RPH3A: variants seen among roughly 807,000 people sequenced by gnomAD.
RPH3A encodes the protein rabphilin 3A.
In RPH3A, 48 loss-of-function variants were observed where a neutral mutation model predicts 102.2. The ratio of observed to expected loss-of-function variants is 0.47; its 90% CI spans 0.37 to 0.60. The LOEUF is 0.60. Ranked by LOEUF, RPH3A falls within the 20% of genes least tolerant of loss-of-function variation. The probability of loss-of-function intolerance (pLI) is 0.00; values close to 1 mark genes in which losing one functional copy is unlikely to be tolerated. For missense variants in RPH3A, 781 were observed against 910.1 expected (o/e 0.86, Z 1.83); for synonymous variants, 310 against 324.3 (o/e 0.96, Z 0.47).
chr12:112,752,715 A>G (rs1447514277), intron 1 of RPH3A, among the ~76,000 whole-genome samples: 2 of 151,904 alleles, frequency 1.3e-5, no homozygotes, highest in East Asian at 3.9e-4. Flanking sequence ...TATAATTCAT[A>G]TAAGTAAAAA....
intron 1 of RPH3A, among the ~76,000 whole-genome samples, chr12:112,654,575 T>C (rs1385326677): frequency 6.6e-6 from 1 of 152,138 alleles, no homozygotes; most frequent in Admixed American, 6.5e-5. Flanking sequence ...TCTTGGCAAA[T>C]CCTTTGAAAT....
chr12:112,725,766 TTTGTTGTTGTTG>T lies in RPH3A; in HGVS notation c.-139-66344_-139-66333del, dbSNP rs374402903. Among the ~76,000 whole-genome samples the T allele has an allele frequency of 8.1e-3, 1,204 of 148,582 alleles. 13 individuals are homozygous for T. Among genetic ancestry groups the T allele is most frequent in the African/African-American group, 0.02 (790 of 40,054 alleles). ...ATATTTAGGGAAGATGAGTGTAGTT[TTTGTTGTTGTTG>T]TTGTTGTTGTTGTTGTTGTTGTTGT... On this transcript the variant is annotated intron_variant, in intron 1 of 21. Coordinates refer to the RPH3A transcript ENST00000543106.
chr12:112,770,455 C>T (rs1004498774), intron 1 of RPH3A, among the ~76,000 whole-genome samples: 1 of 152,112 alleles, frequency 6.6e-6, no homozygotes, highest in Non-Finnish European at 1.5e-5. Flanking sequence ...AAGTGATCTT[C>T]CCATCTCAGC....
intron 1 of RPH3A, among the ~76,000 whole-genome samples, chr12:112,729,616 T>C (rs2040619712): frequency 6.6e-6 from 1 of 152,190 alleles, no homozygotes. Context: ...ACTAAAGTCC[T>C]AAATATTGAC....
intron 2 of RPH3A, among the ~76,000 whole-genome samples, chr12:112,815,212 T>C (rs2041650878): frequency 6.6e-6 from 1 of 152,096 alleles, no homozygotes. Flanking sequence ...CAGAGCAGGA[T>C]GGAGGATGAA....
intron 2 of RPH3A, among the ~76,000 whole-genome samples, chr12:112,816,167 G>A (rs1469059094): frequency 4.6e-5 from 7 of 152,132 alleles, no homozygotes; most frequent in Admixed American, 1.3e-4. Flanking sequence ...TCAAATGCAC[G>A]CTCTGTTGTG....
In RPH3A at chr12:112,724,688, G is replaced by T. The variant is rs541022195; in HGVS notation, c.-139-67455G>T. Among the ~76,000 whole-genome samples the T allele has an allele frequency of 3.7e-4, 56 of 152,338 alleles. 1 individual carries two copies. The highest frequency in any genetic ancestry group is 1.3e-3 in the African/African-American group (55 of 41,586). On this transcript the variant is annotated intron_variant, in intron 1 of 21. Coordinates refer to the RPH3A transcript ENST00000543106. ...TAAGCAGTACATATGTTTTGATGAG[G>T]CTGAGCACGGTGGCTCACGCCTGTA...
At chr12:112,750,782 C>A (rs918681959) in intron 1 of RPH3A, among the ~76,000 whole-genome samples, 1 of 152,060 alleles carries the variant, frequency 6.6e-6, no homozygotes, top group Admixed American at 6.6e-5. Context: ...ATAATTCTAC[C>A]CCTGGCCACA....
At chr12:112,624,032 C>T (rs1447230316) in intron 1 of RPH3A, among the ~76,000 whole-genome samples, 4 of 148,970 alleles carry the variant, frequency 2.7e-5, no homozygotes, top group African/African-American at 1.0e-4. Context: ...ACACAACATA[C>T]CAGAATCTCT....
At chr12:112,730,587 C>G (rs937208811) in intron 1 of RPH3A, among the ~76,000 whole-genome samples, 2 of 152,216 alleles carry the variant, frequency 1.3e-5, no homozygotes, top group Admixed American at 6.5e-5. Context: ...TCCGCCCAAT[C>G]CTGCTTCCTC....
chr12:112,766,082 C>A (rs1224724962), intron 1 of RPH3A, among the ~76,000 whole-genome samples: 1 of 152,030 alleles, frequency 6.6e-6, no homozygotes, highest in Non-Finnish European at 1.5e-5. Context: ...CCCCCAAATG[C>A]CAGCTCTTGC....
At chr12:112,882,392 G>A (rs1199577282) in intron 15 of RPH3A, among the ~76,000 whole-genome samples, 1 of 152,154 alleles carries the variant, frequency 6.6e-6, no homozygotes, top group Non-Finnish European at 1.5e-5. Context: ...GGCTGGAAAT[G>A]GAAGTGTGCC....
At chr12:112,735,036 C>T (rs1331499753) in intron 1 of RPH3A, among the ~76,000 whole-genome samples, 1 of 152,120 alleles carries the variant, frequency 6.6e-6, no homozygotes, top group Admixed American at 6.5e-5. Context: ...CTTATTTTAC[C>T]CAGCCCCTAT....
Position 112,896,915 on chromosome 12 carries a change from C to T in RPH3A, c.*135C>T, listed in dbSNP as rs1009226315. 1.4e-5 allele frequency: 13 copies of T among 940,556 alleles called. No homozygotes were observed. The highest frequency in any genetic ancestry group is 5.0e-5 in the African/African-American group (3 of 60,534). 58.3% of individuals were successfully genotyped at this position (940,556 alleles called of 1,614,324 possible). On this transcript the variant is annotated 3_prime_UTR_variant, in exon 22 of 22. Coordinates refer to ENST00000389385, the MANE Select transcript of RPH3A (RefSeq NM_001143854.2). ...TGATCTCCCTGAGCCTGCCTTTGAG[C>T]CCCCGTCACGTTGGGCACTGCTGCC...
intron 1 of RPH3A, among the ~76,000 whole-genome samples, chr12:112,586,714 C>T (rs1045013317): frequency 2.6e-5 from 4 of 152,016 alleles, no homozygotes; most frequent in African/African-American, 9.7e-5. Flanking sequence ...GTAATCTTCC[C>T]AACGATCTTA....
intron 1 of RPH3A, among the ~76,000 whole-genome samples, chr12:112,761,601 G>A (rs2040855590): frequency 6.6e-6 from 1 of 152,238 alleles, no homozygotes. Flanking sequence ...CCTGGCAGCT[G>A]CCTGCTTCTC....
At chr12:112,880,381 T>C (rs1001358622) in intron 14 of RPH3A, among the ~76,000 whole-genome samples, 2 of 152,176 alleles carry the variant, frequency 1.3e-5, no homozygotes, top group Non-Finnish European at 2.9e-5. Context: ...GTGAAGTAAG[T>C]GCATATACAT....
At chr12:112,633,944 C>G (rs954959454) in intron 1 of RPH3A, among the ~76,000 whole-genome samples, 4 of 152,298 alleles carry the variant, frequency 2.6e-5, no homozygotes, top group Admixed American at 1.3e-4. Flanking sequence ...ATTTTCTGAT[C>G]ATGAGATGGC....
chr12:112,759,971 G>A (rs886225948), intron 1 of RPH3A, among the ~76,000 whole-genome samples: 25 of 152,170 alleles, frequency 1.6e-4, no homozygotes, highest in African/African-American at 5.6e-4. Context: ...GAGTCACGTC[G>A]GCTGGACCAG....
Sources: gnomAD v4.1 joint callset for allele counts (sites outside exome capture counted in the v4.1 genomes callset) on GRCh38, gnomAD v4.1.1 for gene constraint, MANE v1.5 for transcripts, NCBI Gene and HGNC (gene_info 2026-07-23, HGNC 2026-07-21) for gene names.